CAPN14: variants seen among roughly 807,000 people sequenced by gnomAD.
CAPN14 encodes the protein calpain-14.
In CAPN14, 94 loss-of-function variants were observed where a neutral mutation model predicts 101.3. The ratio of observed to expected loss-of-function variants is 0.93; its 90% CI spans 0.79 to 1.10. The LOEUF (loss-of-function observed/expected upper bound fraction) is 1.10, where lower values mean the gene tolerates loss of function less well. CAPN14 is among the 50% of genes least tolerant of loss of function. The pLI, the probability that CAPN14 is intolerant of heterozygous loss-of-function variation, is 0.00. For missense variants in CAPN14, 837 were observed against 828.4 expected (o/e 1.01, Z -0.13); for synonymous variants, 338 against 317.9 (o/e 1.06, Z -0.67).
intron 2 of CAPN14, among the ~76,000 whole-genome samples, chr2:31,224,698 A>C (rs1452443187): frequency 6.6e-6 from 1 of 151,984 alleles, no homozygotes; most frequent in African/African-American, 2.4e-5. Context: ...ATAACTATAT[A>C]TATTGTTTAA....
chr2:31,223,932 A>G (rs1340768922), intron 2 of CAPN14, among the ~76,000 whole-genome samples: 2 of 152,166 alleles, frequency 1.3e-5, no homozygotes, highest in Admixed American at 6.5e-5. Context: ...CCTGACATAT[A>G]ACAGGCTCTC....
intron 10 of CAPN14, 59 bp from the exon 11 acceptor site, chr2:31,192,157 C>T (rs1428137963): frequency 1.3e-5 from 19 of 1,477,726 alleles, no homozygotes; most frequent in African/African-American, 2.8e-5. Flanking sequence ...TCCTGCTTGC[C>T]GAACCACTAA....
rs1168866514 is a variant in CAPN14 at position 31,205,295 on chromosome 2, G to C, written c.153C>G (p.Ala51=). The C allele has an allele frequency of 6.5e-7, 1 of 1,550,352 alleles. No homozygotes were observed. Among genetic ancestry groups the C allele is most frequent in the African/African-American group, 1.4e-5 (1 of 72,992 alleles). Reference sequence around the variant, plus strand: ...AGCCACTGCCGATGGAGCTCAGGGTGGCCGGGAAGCTGGTGTCTTCAAAGA... The same window carrying C: ...AGCCACTGCCGATGGAGCTCAGGGTCGCCGGGAAGCTGGTGTCTTCAAAGA... The part of the protein sequence containing the change: ...GCLFEDTSFP[A]TLSSIGSGSL... Residue 51 remains alanine, a synonymous_variant, in exon 2 of 22, where the codon GCC becomes GCG. Transcript: ENST00000403897.
chr2:31,173,579 C>T lies in CAPN14; in HGVS notation c.*1102G>A, dbSNP rs1239594790. 2.0e-5 allele frequency: 3 copies of T among 152,162 alleles called. No homozygotes were observed. The highest frequency in any genetic ancestry group is 2.1e-4 in the South Asian group (1 of 4,822). 9.4% of individuals were successfully genotyped at this position (152,162 alleles called of 1,614,324 possible). A position where few individuals can be genotyped will look rare whatever the true frequency, so the allele number is the denominator to read the frequency against. ...GCATTATAGACTTGTCAGTTGAACA[C>T]CTCAAACCCAAAAATTCAAAATCCA... On this transcript the variant is annotated 3_prime_UTR_variant, in exon 22 of 22. Transcript: ENST00000403897.
In CAPN14 at chr2:31,201,968, C is replaced by T; in HGVS notation, c.445G>A (p.Val149Met). ...TTCACAGGCAGACGGTCATCGATCA[C>T]CACAGGAACCCAGTTCCCATAGTGC... ...FWHYGNWVPVVIDDRLPVNEA... is the reference protein window; with the variant it reads ...FWHYGNWVPVMIDDRLPVNEA... The change falls in exon 5 of 22, where the codon GTG becomes ATG. Residue 149 changes from valine to methionine, a missense_variant. Val to Met is a conservative substitution (Grantham distance 21). Transcript: ENST00000403897. The T allele has an allele frequency of 6.4e-7, 1 of 1,551,734 alleles. No individual in the cohort carries two copies. Among genetic ancestry groups the T allele is most frequent in the Non-Finnish European group, 8.7e-7 (1 of 1,147,002 alleles).
chr2:31,204,104 A>G (rs1681946605), intron 2 of CAPN14, among the ~76,000 whole-genome samples: 1 of 152,182 alleles, frequency 6.6e-6, no homozygotes. Flanking sequence ...AAGCCTTGCC[A>G]TCTCAGATGA....
intron 8 of CAPN14, 148 bp from the exon 9 acceptor site, chr2:31,194,631 T>A (rs935151667): frequency 2.0e-5 from 12 of 612,374 alleles, no homozygotes; most frequent in African/African-American, 1.5e-4. Flanking sequence ...AGCATGAACA[T>A]GAATTGATAG....
intron 1 of CAPN14, among the ~76,000 whole-genome samples, chr2:31,206,411 C>T (rs886218857): frequency 1.3e-5 from 2 of 152,184 alleles, no homozygotes; most frequent in African/African-American, 2.4e-5. Flanking sequence ...CGCCACCACA[C>T]CCAGCTAATT....
At chr2:31,213,391 T>C (rs1309385716) in intron 1 of CAPN14, among the ~76,000 whole-genome samples, 1 of 152,342 alleles carries the variant, frequency 6.6e-6, no homozygotes, top group East Asian at 1.9e-4. Flanking sequence ...ATCTGTCTGG[T>C]ATTGTCCGTG....
chr2:31,189,467 G>A lies in CAPN14; in HGVS notation c.1299C>T (p.Asp433=). ...YLYRMNKYHD[D]QRRLPPEFFQ... is the part of the protein sequence containing the mutation. ...AGAACTCAGGGGGCAGTCTCCTCTGGTCATCATGGTACTGTGGGTAGAGGA... is the reference window on the plus strand; with the variant it reads ...AGAACTCAGGGGGCAGTCTCCTCTGATCATCATGGTACTGTGGGTAGAGGA... Residue 433 remains aspartate (D), a synonymous_variant, in exon 13 of 22, where the codon GAC becomes GAT. Coordinates refer to ENST00000403897, the MANE Select transcript of CAPN14 (RefSeq NM_001145122.2). The A allele has an allele frequency of 1.3e-6, 2 of 1,551,166 alleles. No individual in the cohort carries two copies. Among genetic ancestry groups the A allele is most frequent in the Non-Finnish European group, 1.7e-6 (2 of 1,146,748 alleles).
At chr2:31,200,720 G>T in intron 5 of CAPN14, 95 bp from the exon 6 acceptor site, 2 of 1,208,248 alleles carry the variant, frequency 1.7e-6, no homozygotes, top group Non-Finnish European at 2.3e-6. Flanking sequence ...TAGGAGTCTA[G>T]TTTTCTCATA....
chr2:31,180,514 A>C (rs2148672611), intron 17 of CAPN14, among the ~76,000 whole-genome samples: 1 of 152,276 alleles, frequency 6.6e-6, no homozygotes, highest in East Asian at 1.9e-4. Context: ...TGATCTGTGC[A>C]TGGGGGCAGC....
In CAPN14 at chr2:31,191,925, G is replaced by A. The variant is rs1181787920; in HGVS notation, c.1278+10C>T. On this transcript the variant is annotated intron_variant, in intron 11 of 21. Coordinates refer to ENST00000403897, the MANE Select transcript of CAPN14 (RefSeq NM_001145122.2). ...GGTCCCATGCCCCTGTGGTTCAGAG[G>A]TCCACCTACCCTATACAGGTAGAAG... The A allele has an allele frequency of 6.5e-7, 1 of 1,540,040 alleles. No homozygotes were observed. Among genetic ancestry groups the A allele is most frequent in the Admixed American group, 2.0e-5 (1 of 49,748 alleles).
chr2:31,206,306 G>A (rs1682089640), intron 1 of CAPN14, among the ~76,000 whole-genome samples: 2 of 152,192 alleles, frequency 1.3e-5, no homozygotes, highest in South Asian at 4.1e-4. Flanking sequence ...CAGGGTGCGT[G>A]GGTCTCTCAC....
chr2:31,191,409 T>G lies in CAPN14; in HGVS notation c.1279-2A>C. ...AAGTGCAGAACTCACCTTGTTCATC[T>G]AAAAAACAAAAACAAAAACAGAAAA... On this transcript the variant is annotated splice_acceptor_variant, in intron 11 of 21. Transcript: ENST00000403897. LOFTEE classifies it high-confidence loss of function. 1 of 1,510,540 alleles carries G rather than the reference T, an allele frequency of 6.6e-7. No homozygotes were observed. The highest frequency in any genetic ancestry group is 8.8e-7 in the Non-Finnish European group (1 of 1,132,900). 93.6% of individuals were successfully genotyped at this position (1,510,540 alleles called of 1,614,324 possible).
intron 9 of CAPN14, 107 bp downstream of exon 9, chr2:31,194,302 T>G (rs1052909298): frequency 6.5e-6 from 5 of 770,522 alleles, no homozygotes; most frequent in African/African-American, 1.7e-5. Flanking sequence ...GCCTTATTGA[T>G]CTCTGTACAT....
rs147511158 is a variant in CAPN14 at position 31,200,225 on chromosome 2, G to A, written c.726+226C>T. 7.8e-3 allele frequency among the ~76,000 whole-genome samples: 1,183 copies of A among 152,178 alleles called. 15 individuals are homozygous for A. Among genetic ancestry groups the A allele is most frequent in the African/African-American group, 0.025 (1,051 of 41,506 alleles). ...TCACCATATTGGCCAGGCTGATCTC[G>A]AACTCCTGACCCCAGGTGATCCGCC... On this transcript the variant is annotated intron_variant, in intron 6 of 21. Coordinates refer to ENST00000403897, the MANE Select transcript of CAPN14 (RefSeq NM_001145122.2).
In CAPN14 at chr2:31,191,907, T is replaced by C. The variant is rs190482687; in HGVS notation, c.1278+28A>G. The C allele has an allele frequency of 8.7e-5, 133 of 1,520,362 alleles. No homozygotes were observed. In the East Asian group the frequency reaches 2.9e-3, roughly 33 times the overall value. 94.2% of individuals were successfully genotyped at this position (1,520,362 alleles called of 1,614,324 possible). Reference sequence around the variant, plus strand: ...TTGGTGACCCCCACGCTTGGTCCCATGCCCCTGTGGTTCAGAGGTCCACCT... The same window carrying C: ...TTGGTGACCCCCACGCTTGGTCCCACGCCCCTGTGGTTCAGAGGTCCACCT... On this transcript the variant is annotated intron_variant, in intron 11 of 21. Coordinates refer to ENST00000403897, the MANE Select transcript of CAPN14 (RefSeq NM_001145122.2).
intron 13 of CAPN14, 39 bp from the exon 14 acceptor site, chr2:31,188,393 C>T: frequency 1.3e-6 from 2 of 1,549,506 alleles, no homozygotes; most frequent in Non-Finnish European, 1.7e-6. Flanking sequence ...AGAGTTTCCT[C>T]TTGGGAATTT....
Sources: gnomAD v4.1 joint callset for allele counts (sites outside exome capture counted in the v4.1 genomes callset) on GRCh38, gnomAD v4.1.1 for gene constraint, MANE v1.5 for transcripts, NCBI Gene and HGNC (gene_info 2026-07-23, HGNC 2026-07-21) for gene names.